Variants in NSMCE2 observed in about 807,000 individuals in gnomAD.
The protein encoded by NSMCE2 is NSE2 SUMO ligase component of SMC5/6 complex.
A neutral mutation model predicts 23.8 loss-of-function variants in NSMCE2; 24 were observed. The ratio of observed to expected loss-of-function variants is 1.01; its 90% CI spans 0.73 to 1.42. NSMCE2 has a LOEUF of 1.42. NSMCE2 is among the 40% of genes most tolerant of loss of function. The pLI, the probability that NSMCE2 is intolerant of heterozygous loss-of-function variation, is 0.00. For synonymous variants in NSMCE2, 92 were observed against 94.1 expected (o/e 0.98, Z 0.13); for missense variants, 284 against 296.5 (o/e 0.96, Z 0.31).
chr8:125,349,327 C>A (rs1241560966), intron 5 of NSMCE2, among the ~76,000 whole-genome samples: 1 of 152,152 alleles, frequency 6.6e-6, no homozygotes, highest in East Asian at 1.9e-4. Flanking sequence ...TCCAAATAAA[C>A]TGTCTTTGGA....
chr8:125,247,019 A>ATT (rs576858587), intron 5 of NSMCE2, among the ~76,000 whole-genome samples: 5 of 147,210 alleles, frequency 3.4e-5, no homozygotes, highest in African/African-American at 5.0e-5. Flanking sequence ...TAAATTCTGT[A>ATT]TTTTTTTTTT....
intron 3 of NSMCE2, among the ~76,000 whole-genome samples, chr8:125,129,167 G>A (rs1262428032): frequency 6.6e-6 from 1 of 152,100 alleles, no homozygotes; most frequent in Non-Finnish European, 1.5e-5. Context: ...TTTCTTAGGT[G>A]GGGAGGGAAT....
chr8:125,160,918 A>C (rs972275812), intron 4 of NSMCE2, among the ~76,000 whole-genome samples: 3 of 152,160 alleles, frequency 2.0e-5, no homozygotes, highest in African/African-American at 7.2e-5. Flanking sequence ...AGTAATTGGG[A>C]GAGAAAAATG....
At chr8:125,323,275 G>T (rs1015629177) in intron 5 of NSMCE2, among the ~76,000 whole-genome samples, 3 of 152,074 alleles carry the variant, frequency 2.0e-5, no homozygotes, top group African/African-American at 4.8e-5. Context: ...CCCAGCAGGG[G>T]TTTTTTTGTA....
At chr8:125,347,180 C>T (rs1812800627) in intron 5 of NSMCE2, among the ~76,000 whole-genome samples, 1 of 152,222 alleles carries the variant, frequency 6.6e-6, no homozygotes, top group South Asian at 2.1e-4. Flanking sequence ...CATTTCATAG[C>T]TGAGAAGATT....
intron 5 of NSMCE2, among the ~76,000 whole-genome samples, chr8:125,196,728 C>T (rs112685145): frequency 6.6e-6 from 1 of 152,092 alleles, no homozygotes; most frequent in Admixed American, 6.6e-5. Context: ...GTAATGGGAT[C>T]GCTGGGTCAA....
chr8:125,245,847 G>A (rs996826744), intron 5 of NSMCE2, among the ~76,000 whole-genome samples: 6 of 152,086 alleles, frequency 3.9e-5, no homozygotes, highest in Non-Finnish European at 7.4e-5. Flanking sequence ...CCAACATGGT[G>A]AAACCTCGTC....
chr8:125,192,496 C>T (rs1203192890), intron 5 of NSMCE2, among the ~76,000 whole-genome samples: 1 of 148,282 alleles, frequency 6.7e-6, no homozygotes, highest in Non-Finnish European at 1.5e-5. Context: ...TATAAAGCAG[C>T]TATAATTGAA....
At chr8:125,205,994 T>C (rs1824103275) in intron 5 of NSMCE2, among the ~76,000 whole-genome samples, 1 of 152,244 alleles carries the variant, frequency 6.6e-6, no homozygotes, top group African/African-American at 2.4e-5. Flanking sequence ...AAGTGTTTTA[T>C]ATACAGAGAT....
intron 5 of NSMCE2, among the ~76,000 whole-genome samples, chr8:125,189,566 A>C (rs925573094): frequency 6.6e-6 from 1 of 152,242 alleles, no homozygotes; most frequent in East Asian, 1.9e-4. Flanking sequence ...GAACAGATTT[A>C]TTCAACTGAT....
chr8:125,244,619 C>T (rs1280981665), intron 5 of NSMCE2, among the ~76,000 whole-genome samples: 3 of 152,098 alleles, frequency 2.0e-5, no homozygotes, highest in African/African-American at 7.2e-5. Flanking sequence ...ACATACCAGA[C>T]AACAAACTAA....
chr8:125,168,340 A>C (rs1247798027), intron 4 of NSMCE2, among the ~76,000 whole-genome samples: 1 of 152,188 alleles, frequency 6.6e-6, no homozygotes, highest in Non-Finnish European at 1.5e-5. Flanking sequence ...TGGGAGGAGG[A>C]TGGAAGAAAA....
rs58789139 is a variant in NSMCE2 at position 125,299,804 on chromosome 8, C to CTTTTTTTTTTTTTTTTT, written c.419-57404_419-57388dup. Reference sequence around the variant, plus strand: ...ACCTTGACCTCATAATTTTGGCTTTCTTTTTTTTTTTTTTTTTTTTTTTTT... The same window carrying CTTTTTTTTTTTTTTTTT: ...ACCTTGACCTCATAATTTTGGCTTTCTTTTTTTTTTTTTTTTTTTTTTTTTTTTTTTTTTTTTTTTTT... On this transcript the variant is annotated intron_variant, in intron 5 of 7. Coordinates refer to ENST00000287437, the MANE Select transcript of NSMCE2 (RefSeq NM_173685.4). Among the ~76,000 whole-genome samples the CTTTTTTTTTTTTTTTTT allele has an allele frequency of 1.7e-4, 12 of 70,266 alleles. 2 individuals are homozygous for CTTTTTTTTTTTTTTTTT. Among genetic ancestry groups the CTTTTTTTTTTTTTTTTT allele is most frequent in the Non-Finnish European group, 2.3e-4 (9 of 38,998 alleles). 46.1% of individuals were successfully genotyped at this position (70,266 alleles called of 152,430 possible).
At chr8:125,176,913 T>C (rs528361508) in intron 4 of NSMCE2, among the ~76,000 whole-genome samples, 1 of 152,344 alleles carries the variant, frequency 6.6e-6, no homozygotes, top group Admixed American at 6.5e-5. Context: ...CTGCACTTAT[T>C]GTGAGTTTCC....
intron 5 of NSMCE2, among the ~76,000 whole-genome samples, chr8:125,254,419 A>G (rs1300338881): frequency 3.9e-5 from 6 of 152,248 alleles, no homozygotes. Flanking sequence ...CCCTTTTACA[A>G]GAAAGAAAAT....
chr8:125,111,861 A>C (rs1246168580), intron 3 of NSMCE2, among the ~76,000 whole-genome samples: 4 of 152,208 alleles, frequency 2.6e-5, no homozygotes, highest in African/African-American at 9.7e-5. Context: ...AACTGACCTG[A>C]TATTTTCAGG....
In NSMCE2 at chr8:125,257,290, G is replaced by GAA. The variant is rs112767956; in HGVS notation, c.418+75046_418+75047dup. 5.1e-4 allele frequency among the ~76,000 whole-genome samples: 56 copies of GAA among 109,340 alleles called. 1 individual carries two copies. Among genetic ancestry groups the GAA allele is most frequent in the Middle Eastern group, 5.1e-3 (1 of 198 alleles). 71.7% of individuals were successfully genotyped at this position (109,340 alleles called of 152,430 possible). On this transcript the variant is annotated intron_variant, in intron 5 of 7. Coordinates refer to ENST00000287437, the MANE Select transcript of NSMCE2 (RefSeq NM_173685.4). ...CAGAGCAAGGCTCCATCTCAAAAAA[G>GAA]AAAAAAAAAAAAAGACATTTAAAGG...
intron 3 of NSMCE2, chr8:125,130,318 G>A (rs1386202244): frequency 2.2e-6 from 1 of 453,936 alleles, no homozygotes; most frequent in Non-Finnish European, 4.4e-6. Flanking sequence ...TGATCACCTG[G>A]CCCTAGTAGT....
At chr8:125,278,044 TAAAATA>T (rs1182440130) in intron 5 of NSMCE2, among the ~76,000 whole-genome samples, 3 of 152,208 alleles carry the variant, frequency 2.0e-5, no homozygotes, top group African/African-American at 7.2e-5. Flanking sequence ...TTGGGATCCT[TAAAATA>T]AACTGTCTGG....
Sources: allele counts gnomAD v4.1 joint callset (sites outside exome capture counted in the v4.1 genomes callset), GRCh38; gene constraint gnomAD v4.1.1; transcripts MANE v1.5; gene names NCBI Gene and HGNC (gene_info 2026-07-23, HGNC 2026-07-21).